Variants in TRIP12 observed in about 807,000 individuals in gnomAD.
TRIP12 encodes E3 ubiquitin-protein ligase TRIP12.
A neutral mutation model predicts 244.2 loss-of-function variants in TRIP12; 25 were observed. The observed-to-expected ratio is 0.10, with a 90% CI of 0.07 to 0.14. The LOEUF is 0.14. Among genes scored for constraint, TRIP12 ranks in the 10% least tolerant of loss-of-function variants. The probability of loss-of-function intolerance (pLI) is 1.00; values close to 1 mark genes in which losing one functional copy is unlikely to be tolerated. For synonymous variants in TRIP12, 905 were observed against 873.1 expected (o/e 1.04, Z -0.64); for missense variants, 1,677 against 2,486.4 (o/e 0.67, Z 6.92).
intron 1 of TRIP12, among the ~76,000 whole-genome samples, chr2:229,906,051 T>G (rs571007586): frequency 1.3e-5 from 2 of 152,288 alleles, no homozygotes; most frequent in African/African-American, 4.8e-5. Context: ...ACGCCTGTAA[T>G]CCCAACACTT....
chr2:229,803,540 A>C, intron 20 of TRIP12, 31 bp downstream of exon 20: 1 of 1,391,486 alleles, frequency 7.2e-7, no homozygotes, highest in Non-Finnish European at 1.0e-6. Flanking sequence ...TACTATCTAG[A>C]CTAAATGACT....
chr2:229,819,615 T>TTTCA (rs1358931357), intron 8 of TRIP12, among the ~76,000 whole-genome samples: 2 of 152,216 alleles, frequency 1.3e-5, no homozygotes, highest in Non-Finnish European at 2.9e-5. Flanking sequence ...ACTTTCCTAC[T>TTTCA]TGAAACCACA....
chr2:229,771,662 G>A, intron 38 of TRIP12, 30 bp from the exon 39 acceptor site: 2 of 1,539,874 alleles, frequency 1.3e-6, no homozygotes, highest in Non-Finnish European at 1.8e-6. Flanking sequence ...AAAAAACTGT[G>A]ACAAGATTTC....
At chr2:229,849,520 A>T (rs2058235875) in intron 4 of TRIP12, among the ~76,000 whole-genome samples, 1 of 152,142 alleles carries the variant, frequency 6.6e-6, no homozygotes, top group Non-Finnish European at 1.5e-5. Context: ...ACTTCAAAAT[A>T]ATCAGCCACA....
At chr2:229,849,927 A>G (rs2058334234) in intron 4 of TRIP12, among the ~76,000 whole-genome samples, 2 of 104,630 alleles carry the variant, frequency 1.9e-5, no homozygotes, top group African/African-American at 7.3e-5. Context: ...TTTTGGCATA[A>G]TACACACCAA....
intron 1 of TRIP12, among the ~76,000 whole-genome samples, chr2:229,894,164 A>AG (rs2068098880): frequency 6.6e-6 from 1 of 152,072 alleles, no homozygotes; most frequent in Admixed American, 6.6e-5. Flanking sequence ...CAAAAAAAAA[A>AG]GTTTTCGTTA....
chr2:229,815,965 A>G (rs758682281), intron 9 of TRIP12, among the ~76,000 whole-genome samples: 15 of 152,158 alleles, frequency 9.9e-5, no homozygotes, highest in Non-Finnish European at 2.1e-4. Flanking sequence ...GATTTCAGGT[A>G]TGTTTTTCTA....
rs1366337913 is a variant in TRIP12 at position 229,802,394 on chromosome 2, A to G, written c.3064T>C (p.Cys1022Arg). 6 of 1,613,956 alleles carry G rather than the reference A, an allele frequency of 3.7e-6. No homozygotes were observed. Among genetic ancestry groups the G allele is most frequent in the Non-Finnish European group, 1.7e-6 (2 of 1,179,984 alleles). ...CCCATGGATCCCGATCCATTCGTACATGCCTTTGGTGGACTTGTCAACAAA... is the reference window on the plus strand; with the variant it reads ...CCCATGGATCCCGATCCATTCGTACGTGCCTTTGGTGGACTTGTCAACAAA... ...ESLLTSPPKA[C>R]TNGSGSMGST... The change falls in exon 21 of 42, where the codon TGT (cysteine) becomes CGT (arginine). Residue 1022 changes from cysteine (C) to arginine (R), a missense_variant. By Grantham distance (180) the Cys-to-Arg change is radical. This residue lies in a region of TRIP12 where 572 missense variants were observed against 867.8 expected (regional missense o/e 0.66). Transcript: ENST00000675903.
In TRIP12 at chr2:229,778,405, T is replaced by G. The variant is rs751184147; in HGVS notation, c.5364+28A>C. 10 of 1,612,880 alleles carry G rather than the reference T, an allele frequency of 6.2e-6. No individual in the cohort carries two copies. The highest frequency in any genetic ancestry group is 8.5e-6 in the Non-Finnish European group (10 of 1,179,206). On this transcript the variant is annotated intron_variant, in intron 36 of 41. Coordinates refer to ENST00000675903, the MANE Select transcript of TRIP12 (RefSeq NM_001348323.3). This position sits in a 1 kb window ranked among gnomAD's most constrained non-coding sequence, Gnocchi z 4.1. ...TGCACAGAACATTCTACACCAAAAC[T>G]GCAAAAAGCAAACCATCCTAAACTT...
In TRIP12 at chr2:229,788,913, T is replaced by G; in HGVS notation, c.4723A>C (p.Thr1575Pro). The change falls in exon 32 of 42, where the codon ACT (threonine) becomes CCT (proline). Residue 1575 changes from threonine to proline, a missense_variant. Around this residue, in one of 11 missense-constraint regions of TRIP12, gnomAD observed 265 missense variants for 370.8 expected, o/e 0.71. Transcript: ENST00000675903. The stretch of plus-strand genomic sequence containing the variant: ...AACTTACTGTTAATAAATTCACTAG[T>G]TGGAATAATTTCCTTGCACATTGCA... ...DNAMCKEIIPTSEFINSKLTA... is the reference protein window; with the variant it reads ...DNAMCKEIIPPSEFINSKLTA... 1 of 1,613,318 alleles carries G rather than the reference T, an allele frequency of 6.2e-7. No individual in the cohort carries two copies. Among genetic ancestry groups the G allele is most frequent in the Non-Finnish European group, 8.5e-7 (1 of 1,179,648 alleles).
At chr2:229,830,886 C>T (rs1327078412) in intron 6 of TRIP12, 47 bp from the exon 7 acceptor site, 1 of 1,581,992 alleles carries the variant, frequency 6.3e-7, no homozygotes, top group Admixed American at 1.7e-5. Context: ...CACTTAAACA[C>T]ATTATGTCTG....
intron 18 of TRIP12, among the ~76,000 whole-genome samples, chr2:229,805,421 G>A (rs1484913351): frequency 2.6e-5 from 4 of 151,994 alleles, no homozygotes; most frequent in African/African-American, 9.7e-5. Flanking sequence ...TAAAATACAA[G>A]GTTGGAAAGA....
At chr2:229,898,656 A>G (rs1340498931) in intron 1 of TRIP12, among the ~76,000 whole-genome samples, 1 of 152,238 alleles carries the variant, frequency 6.6e-6, no homozygotes, top group Non-Finnish European at 1.5e-5. Context: ...AGTATAAAAA[A>G]AAGATTCTTC....
At chr2:229,800,901 T>C (rs1418928017) in intron 21 of TRIP12, among the ~76,000 whole-genome samples, 1 of 151,914 alleles carries the variant, frequency 6.6e-6, no homozygotes, top group Non-Finnish European at 1.5e-5. Context: ...CCATGCTGTG[T>C]CTCTTTTTGA....
chr2:229,885,207 A>T (rs2154357669), intron 1 of TRIP12, among the ~76,000 whole-genome samples: 1 of 152,290 alleles, frequency 6.6e-6, no homozygotes, highest in Middle Eastern at 3.4e-3. Flanking sequence ...GCAACAGGTA[A>T]ATCTCATTTG....
intron 4 of TRIP12, among the ~76,000 whole-genome samples, chr2:229,854,105 G>C (rs565783803): frequency 2.0e-5 from 3 of 152,178 alleles, no homozygotes; most frequent in East Asian, 3.9e-4. Context: ...TGGATATATT[G>C]CTTAGTGGCA....
At chr2:229,907,132 G>T (rs1038017980) in intron 1 of TRIP12, among the ~76,000 whole-genome samples, 5 of 152,108 alleles carry the variant, frequency 3.3e-5, no homozygotes, top group African/African-American at 1.2e-4. Context: ...ACACACTGTT[G>T]ACTGTAACTT....
At chr2:229,860,889 C>G (rs915393139) in intron 2 of TRIP12, among the ~76,000 whole-genome samples, 1 of 152,122 alleles carries the variant, frequency 6.6e-6, no homozygotes, top group Admixed American at 6.6e-5. Context: ...TAGATCTAAA[C>G]ACACTTTTAA....
chr2:229,859,552 C>G lies in TRIP12; in HGVS notation c.247G>C (p.Val83Leu), dbSNP rs941750882. 1.9e-6 allele frequency: 3 copies of G among 1,613,196 alleles called. No individual in the cohort carries two copies. The Admixed American group carries it at 5.0e-5, about 27-fold the overall frequency. Residue 83 changes from valine (V) to leucine (L), a missense_variant, in exon 4 of 42, where the codon GTG becomes CTG. By Grantham distance (32) the Val-to-Leu change is conservative. Around this residue, in one of 11 missense-constraint regions of TRIP12, gnomAD observed 387 missense variants for 392.6 expected, o/e 0.99. Coordinates refer to ENST00000675903, the MANE Select transcript of TRIP12 (RefSeq NM_001348323.3). ...SKRSCSSSSA[V>L]IVPQPEDPDR... The stretch of plus-strand genomic sequence containing the variant: ...GGATCCTCTGGTTGTGGAACTATCA[C>G]AGCAGATGATGAACTGCAGCTTCTA...
Sources: gnomAD v4.1 joint callset for allele counts (sites outside exome capture counted in the v4.1 genomes callset) on GRCh38, gnomAD v4.1.1 for gene constraint, gnomAD v4.1.1 regional missense constraint, Gnocchi (gnomAD v3.1) non-coding constraint, MANE v1.5 for transcripts, NCBI Gene and HGNC (gene_info 2026-07-23, HGNC 2026-07-21) for gene names.